EFHC1: variants seen among roughly 807,000 people sequenced by gnomAD.
EFHC1 encodes the protein EF-hand domain containing 1.
Under a neutral mutation model 69.9 loss-of-function variants are expected in EFHC1, and 53 were observed. That is an observed-to-expected ratio of 0.76 (90% CI 0.61 to 0.95). The LOEUF (loss-of-function observed/expected upper bound fraction) is 0.95, where lower values mean the gene tolerates loss of function less well. Among genes scored for constraint, EFHC1 ranks in the 40% least tolerant of loss-of-function variants. The pLI is 0.00. For synonymous variants in EFHC1, 256 were observed against 278.4 expected (o/e 0.92, Z 0.80); for missense variants, 739 against 798.7 (o/e 0.93, Z 0.90).
chr6:52,438,759 A>G (rs934803360), intron 3 of EFHC1, among the ~76,000 whole-genome samples, 168 bp downstream of exon 3: 5 of 152,206 alleles, frequency 3.3e-5, no homozygotes, highest in Non-Finnish European at 7.4e-5. Flanking sequence ...ATGTGCCAAC[A>G]CTAATAGTAA....
At chr6:52,429,673 C>T (rs1007173133) in intron 2 of EFHC1, among the ~76,000 whole-genome samples, 8 of 151,942 alleles carry the variant, frequency 5.3e-5, no homozygotes, top group African/African-American at 1.5e-4. Context: ...TTTGGCTATG[C>T]GGGCTCTTTT....
intron 9 of EFHC1, chr6:52,488,433 G>A (rs948598447): frequency 5.9e-5 from 9 of 152,090 alleles, no homozygotes; most frequent in Non-Finnish European, 1.3e-4. Flanking sequence ...TAATAGAAAT[G>A]GAAATAAACA....
intron 2 of EFHC1, among the ~76,000 whole-genome samples, chr6:52,434,145 C>G (rs1240524577): frequency 1.3e-5 from 2 of 152,196 alleles, no homozygotes; most frequent in African/African-American, 4.8e-5. Context: ...CTTCTTCCCC[C>G]ACCTGTGGAA....
At chr6:52,479,854 A>G (rs1474126275) in intron 9 of EFHC1, 67 bp downstream of exon 9, 1 of 1,596,954 alleles carries the variant, frequency 6.3e-7, no homozygotes, top group Non-Finnish European at 8.5e-7. Context: ...GAGAAAACAA[A>G]TGAGTAATCA....
intron 7 of EFHC1, among the ~76,000 whole-genome samples, chr6:52,475,804 T>C (rs1049933142): frequency 1.3e-5 from 2 of 152,200 alleles, no homozygotes; most frequent in Non-Finnish European, 2.9e-5. Context: ...GAGAACAAGA[T>C]AGACAAATAT....
At chr6:52,431,742 C>T (rs1764419720) in intron 2 of EFHC1, among the ~76,000 whole-genome samples, 1 of 151,930 alleles carries the variant, frequency 6.6e-6, no homozygotes, top group African/African-American at 2.4e-5. Context: ...AGTTTAAATC[C>T]ATTGTTTCTT....
chr6:52,468,211 T>C (rs1765352773), intron 6 of EFHC1, among the ~76,000 whole-genome samples: 1 of 152,058 alleles, frequency 6.6e-6, no homozygotes, highest in Non-Finnish European at 1.5e-5. Context: ...TACTCTGGGG[T>C]TCTAAGGGTA....
intron 6 of EFHC1, among the ~76,000 whole-genome samples, chr6:52,466,195 C>G (rs1765303163): frequency 6.6e-6 from 1 of 152,162 alleles, no homozygotes; most frequent in South Asian, 2.1e-4. Context: ...TCACTGGGCC[C>G]TTTCTCCTCA....
chr6:52,463,235 T>G (rs1581837105), intron 5 of EFHC1, among the ~76,000 whole-genome samples: 1 of 151,358 alleles, frequency 6.6e-6, no homozygotes, highest in East Asian at 2.0e-4. Flanking sequence ...AGACAGAGTT[T>G]CACCGTGTTA....
chr6:52,491,308 G>A (rs1481971855), intron 10 of EFHC1, among the ~76,000 whole-genome samples: 1 of 152,202 alleles, frequency 6.6e-6, no homozygotes, highest in Non-Finnish European at 1.5e-5. Flanking sequence ...GCAGTCATTG[G>A]CAAGTGGAGC....
At chr6:52,479,532 G>A (rs1225039375) in intron 8 of EFHC1, 108 bp from the exon 9 acceptor site, 1 of 1,512,096 alleles carries the variant, frequency 6.6e-7, no homozygotes, top group Non-Finnish European at 9.2e-7. Context: ...ATTAGTTTCT[G>A]TCATAAATGC....
chr6:52,486,153 T>C (rs1765782083), intron 9 of EFHC1: 1 of 152,360 alleles, frequency 6.6e-6, no homozygotes, highest in Non-Finnish European at 1.5e-5. Context: ...GGATCATGAG[T>C]ACTTGTCAGA....
intron 10 of EFHC1, chr6:52,490,719 T>C (rs1033833760): frequency 2.5e-6 from 1 of 393,356 alleles, no homozygotes; most frequent in African/African-American, 2.0e-5. Context: ...TCACAGCTGA[T>C]ACCTACACTG....
At chr6:52,489,119 CAG>C (rs1293893855) in intron 9 of EFHC1, 1 of 152,184 alleles carries the variant, frequency 6.6e-6, no homozygotes, top group Non-Finnish European at 1.5e-5. Flanking sequence ...ATAAGTTAAA[CAG>C]AGGCTATTTG....
chr6:52,459,446 G>C (rs59963487), intron 5 of EFHC1, among the ~76,000 whole-genome samples: 14,376 of 152,200 alleles, frequency 0.094, 1,136 homozygotes, highest in Admixed American at 0.26. Context: ...TGACAAGTTA[G>C]CACACAAAAA....
At position 52,452,712 on chromosome 6, in the gene EFHC1, G is replaced by A. The variant is rs767704811; in HGVS notation, c.598G>A (p.Glu200Lys). 5 of 1,614,158 alleles carry A rather than the reference G, an allele frequency of 3.1e-6. No individual in the cohort carries two copies. The highest frequency in any genetic ancestry group is 4.2e-6 in the Non-Finnish European group (5 of 1,180,028). ...GGTATTTTTAGAAAGCCAAGGAATT[G>A]AGTTAAATCCACCAGAGAAGATGGC... ...TQVFLESQGI[E>K]LNPPEKMALD... The change falls in exon 4 of 11, where the codon GAG becomes AAG. Residue 200 changes from glutamate (E) to lysine (K), a missense_variant. Transcript: ENST00000371068.
chr6:52,493,352 T>TTC lies in EFHC1; in HGVS notation c.*1021_*1022dup. 1 of 277,854 alleles carries TTC rather than the reference T, an allele frequency of 3.6e-6. No individual in the cohort carries two copies. The highest frequency in any genetic ancestry group is 2.3e-5 in the South Asian group (1 of 43,260). 17.2% of individuals were successfully genotyped at this position (277,854 alleles called of 1,614,324 possible). ...TGAGCAATTTCTTATAACTCTCTCT[T>TTC]TCTCTCTCTCTACATATATATATAT... On this transcript the variant is annotated 3_prime_UTR_variant, in exon 11 of 11. Coordinates refer to ENST00000371068, the MANE Select transcript of EFHC1 (RefSeq NM_018100.4).
intron 2 of EFHC1, among the ~76,000 whole-genome samples, chr6:52,436,487 A>T (rs948888987): frequency 6.6e-6 from 1 of 151,934 alleles, no homozygotes; most frequent in African/African-American, 2.4e-5. Flanking sequence ...CTCTTATTCT[A>T]GTAGAGGCTT....
intron 9 of EFHC1, chr6:52,481,782 A>G (rs917839460): frequency 2.0e-5 from 3 of 152,272 alleles, no homozygotes; most frequent in African/African-American, 7.2e-5. Flanking sequence ...AAGTGCTAGG[A>G]TTACAGGCGT....
Sources: gnomAD v4.1 joint callset for allele counts (sites outside exome capture counted in the v4.1 genomes callset) on GRCh38, gnomAD v4.1.1 for gene constraint, MANE v1.5 for transcripts, NCBI Gene and HGNC (gene_info 2026-07-23, HGNC 2026-07-21) for gene names.